GLIPR2: variants seen among roughly 807,000 people sequenced by gnomAD.
GLIPR2 encodes GLI pathogenesis related 2, also known as Golgi-associated plant pathogenesis-related protein 1.
Under a neutral mutation model 20.4 loss-of-function variants are expected in GLIPR2, and 21 were observed. The ratio of observed to expected loss-of-function variants is 1.03; its 90% CI spans 0.73 to 1.48. The LOEUF (loss-of-function observed/expected upper bound fraction) is 1.48, where lower values mean the gene tolerates loss of function less well. GLIPR2 is among the 40% of genes most tolerant of loss of function. The probability of loss-of-function intolerance (pLI) is 0.00; values close to 1 mark genes in which losing one functional copy is unlikely to be tolerated. For synonymous variants in GLIPR2, 91 were observed against 80.5 expected (o/e 1.13, Z -0.70); for missense variants, 205 against 200.1 (o/e 1.02, Z -0.15).
At chr9:36,154,101 T>TCCCCC (rs61572959) in intron 4 of GLIPR2, among the ~76,000 whole-genome samples, 1 of 137,382 alleles carries the variant, frequency 7.3e-6, no homozygotes, top group African/African-American at 2.7e-5. Flanking sequence ...ATATATCTTT[T>TCCCCC]CCCCCCCCCT....
At chr9:36,155,955 A>G (rs1224573235) in intron 4 of GLIPR2, among the ~76,000 whole-genome samples, 1 of 152,124 alleles carries the variant, frequency 6.6e-6, no homozygotes, top group Non-Finnish European at 1.5e-5. Context: ...CACACCTGTA[A>G]TCCCAGCACT....
intron 1 of GLIPR2, among the ~76,000 whole-genome samples, chr9:36,143,431 G>A (rs1825178565): frequency 1.3e-5 from 2 of 152,140 alleles, no homozygotes; most frequent in South Asian, 2.1e-4. Context: ...TGCATCTCCC[G>A]TGGTGTCCCA....
chr9:36,141,604 C>T (rs1344990445), intron 1 of GLIPR2, among the ~76,000 whole-genome samples: 1 of 152,162 alleles, frequency 6.6e-6, no homozygotes, highest in East Asian at 1.9e-4. Context: ...GAGCCTGTCT[C>T]AGCCAAAAGT....
At position 36,150,954 on chromosome 9, in the gene GLIPR2, G is replaced by A; in HGVS notation, c.304+5G>A. On this transcript the variant is annotated splice_donor_5th_base_variant and intron_variant, in intron 4 of 4. Coordinates refer to ENST00000377960, the MANE Select transcript of GLIPR2 (RefSeq NM_022343.4). Reference sequence around the variant, plus strand: ...CTGGCTTCACCTCGGGGACTGGTGAGTGGCAGGGTCTCACCAGTGGCCTGG... The same window carrying A: ...CTGGCTTCACCTCGGGGACTGGTGAATGGCAGGGTCTCACCAGTGGCCTGG... 1.2e-6 allele frequency: 2 copies of A among 1,609,772 alleles called. No individual in the cohort carries two copies. The highest frequency in any genetic ancestry group is 2.2e-5 in the East Asian group (1 of 44,856).
chr9:36,148,291 C>T (rs769938320), intron 2 of GLIPR2, among the ~76,000 whole-genome samples: 11 of 151,776 alleles, frequency 7.2e-5, no homozygotes, highest in South Asian at 2.1e-4. Flanking sequence ...TTTTGGGGAC[C>T]GGGTTTTGGG....
intron 1 of GLIPR2, among the ~76,000 whole-genome samples, chr9:36,139,205 G>C (rs1213497842): frequency 6.6e-6 from 1 of 152,078 alleles, no homozygotes; most frequent in Non-Finnish European, 1.5e-5. Context: ...GGAGATGCAG[G>C]GTTGGGCAGG....
chr9:36,162,628 G>T lies in GLIPR2; in HGVS notation c.*106G>T. Reference sequence around the variant, plus strand: ...TCTGTCCCTGTGGGTGTATGTGCTTGTGTGTGTGATGCATGTGAGCGTCTC... The same window carrying T: ...TCTGTCCCTGTGGGTGTATGTGCTTTTGTGTGTGATGCATGTGAGCGTCTC... On this transcript the variant is annotated 3_prime_UTR_variant, in exon 5 of 5. Coordinates refer to ENST00000377960, the MANE Select transcript of GLIPR2 (RefSeq NM_022343.4). The T allele has an allele frequency of 9.2e-7, 1 of 1,090,414 alleles. No individual in the cohort carries two copies. 67.5% of individuals were successfully genotyped at this position (1,090,414 alleles called of 1,614,324 possible).
chr9:36,152,973 A>AAG (rs1825663875), intron 4 of GLIPR2, among the ~76,000 whole-genome samples: 1 of 145,788 alleles, frequency 6.9e-6, no homozygotes, highest in East Asian at 2.0e-4. Context: ...AAAAAAAAAA[A>AAG]AAAAAAAAGC....
intron 1 of GLIPR2, chr9:36,144,637 G>C (rs1387611116): frequency 6.6e-6 from 1 of 152,402 alleles, no homozygotes; most frequent in East Asian, 1.9e-4. Flanking sequence ...CACAAATCCT[G>C]GGGTTCAGAG....
intron 1 of GLIPR2, among the ~76,000 whole-genome samples, chr9:36,139,989 A>G (rs556381867): frequency 1.4e-3 from 210 of 152,336 alleles, no homozygotes; most frequent in African/African-American, 4.9e-3. Flanking sequence ...TTACCATATT[A>G]GTGACAGCAC....
intron 3 of GLIPR2, among the ~76,000 whole-genome samples, chr9:36,150,165 ATGGATCAGCAGTAGCATC>A (rs1825516017): frequency 6.6e-6 from 1 of 152,240 alleles, no homozygotes; most frequent in Admixed American, 6.5e-5. Flanking sequence ...TGTGTGGAAC[ATGGATCAGCAGTAGCATC>A]TGGAAGCAGA....
chr9:36,149,499 C>T (rs1434481032), intron 3 of GLIPR2, among the ~76,000 whole-genome samples: 1 of 152,248 alleles, frequency 6.6e-6, no homozygotes, highest in Non-Finnish European at 1.5e-5. Context: ...TGCCCTCACC[C>T]TGCAGGCTCC....
At chr9:36,142,783 G>A (rs1310682022) in intron 1 of GLIPR2, among the ~76,000 whole-genome samples, 1 of 152,062 alleles carries the variant, frequency 6.6e-6, no homozygotes, top group Non-Finnish European at 1.5e-5. Context: ...AGGTGTGGCA[G>A]CTACTGATAA....
chr9:36,141,081 A>T (rs759229533), intron 1 of GLIPR2, among the ~76,000 whole-genome samples: 6 of 152,200 alleles, frequency 3.9e-5, no homozygotes, highest in Non-Finnish European at 5.9e-5. Context: ...TGGTAATAAT[A>T]ATCATTACAG....
Position 36,136,999 on chromosome 9 carries a change from G to A in GLIPR2, c.13+208G>A. The A allele has an allele frequency of 4.0e-6, 2 of 498,408 alleles. No homozygotes were observed. Among genetic ancestry groups the A allele is most frequent in the Non-Finnish European group, 6.2e-6 (2 of 320,408 alleles). 30.9% of individuals were successfully genotyped at this position (498,408 alleles called of 1,614,324 possible). A position where few individuals can be genotyped will look rare whatever the true frequency, so the allele number is the denominator to read the frequency against. ...GAGGGAGGCCCCCGCCGGAGAGCCG[G>A]GGATCGCGCCAAGTTGGGCTTCCCG... is the stretch of plus-strand genomic sequence containing the variant. On this transcript the variant is annotated intron_variant, in intron 1 of 4. Coordinates refer to ENST00000377960, the MANE Select transcript of GLIPR2 (RefSeq NM_022343.4). The surrounding 1 kb of genome is among the most constrained non-coding windows in gnomAD (Gnocchi z 4.3).
intron 1 of GLIPR2, among the ~76,000 whole-genome samples, chr9:36,142,370 T>C (rs566386058): frequency 1.8e-4 from 27 of 152,266 alleles, no homozygotes; most frequent in Admixed American, 7.2e-4. Flanking sequence ...GGACTAGTTG[T>C]GGGAATTTGG....
chr9:36,162,327 G>A (rs1482031191), intron 4 of GLIPR2, 35 bp from the exon 5 acceptor site: 1 of 1,601,868 alleles, frequency 6.2e-7, no homozygotes, highest in Non-Finnish European at 8.5e-7. Flanking sequence ...TGCTAATTCA[G>A]CCGTGTCCCT....
chr9:36,151,841 G>A (rs1310436148), intron 4 of GLIPR2, among the ~76,000 whole-genome samples: 1 of 152,166 alleles, frequency 6.6e-6, no homozygotes, highest in Admixed American at 6.5e-5. Flanking sequence ...AGGCGTCTGG[G>A]GCCCAGGATG....
chr9:36,154,891 G>A (rs1225371505), intron 4 of GLIPR2, among the ~76,000 whole-genome samples: 1 of 152,222 alleles, frequency 6.6e-6, no homozygotes, highest in East Asian at 1.9e-4. Flanking sequence ...CTGGGAGACA[G>A]AGAGTGGGAG....
Sources: gnomAD v4.1 joint callset for allele counts (sites outside exome capture counted in the v4.1 genomes callset) on GRCh38, gnomAD v4.1.1 for gene constraint, Gnocchi (gnomAD v3.1) non-coding constraint, MANE v1.5 for transcripts, NCBI Gene and HGNC (gene_info 2026-07-23, HGNC 2026-07-21) for gene names.